The following FBXO38 variants were observed in gnomAD, a reference collection of about 807,000 sequenced individuals.
FBXO38 encodes the protein F-box protein 38, also known as F-box only protein 38.
FBXO38 carries 53 observed loss-of-function variants against 131.9 expected under a neutral mutation model. The observed-to-expected ratio is 0.40, with a 90% CI of 0.32 to 0.51. FBXO38 has a LOEUF of 0.51. FBXO38 is among the 20% of genes least tolerant of loss of function. The pLI is 0.53. For synonymous variants in FBXO38, 452 were observed against 505.6 expected, an observed-to-expected ratio of 0.89 and a Z score of 1.42; for missense variants, 1,076 against 1,475.6, an observed-to-expected ratio of 0.73 and a Z score of 4.44.
Position 148,425,718 on chromosome 5 carries a change from C to G in FBXO38, c.1918+17C>G. ...AATTGTCAGGTGAGAAATTGTCTTT[C>G]TCTGAACTATTAATGAGAGTCACTA... On this transcript the variant is annotated intron_variant, in intron 14 of 21. Transcript: ENST00000340253. The G allele has an allele frequency of 1.2e-6, 2 of 1,607,830 alleles. No homozygotes were observed. The highest frequency in any genetic ancestry group is 1.7e-6 in the Non-Finnish European group (2 of 1,175,992).
chr5:148,441,974 A>G lies in FBXO38; in HGVS notation c.3394A>G (p.Ile1132Val), dbSNP rs943024331. ...YDFEDDEESTIYAPRRKGQLS... is the reference protein window; with the variant it reads ...YDFEDDEESTVYAPRRKGQLS... ...TTTTATTTCTAATTTCAAAGGCACTATCTATGCTCCTAGAAGGAAAGGACA... is the reference window on the plus strand; with the variant it reads ...TTTTATTTCTAATTTCAAAGGCACTGTCTATGCTCCTAGAAGGAAAGGACA... Residue 1132 changes from isoleucine (I) to valine (V), a missense_variant, in exon 22 of 22, where the codon ATC (isoleucine) becomes GTC (valine). By Grantham distance (29) the Ile-to-Val change is conservative (BLOSUM62 3). Coordinates refer to ENST00000340253, the MANE Select transcript of FBXO38 (RefSeq NM_205836.3). 2.5e-6 allele frequency: 4 copies of G among 1,612,028 alleles called. No individual in the cohort carries two copies. The highest frequency in any genetic ancestry group is 1.7e-5 in the Admixed American group (1 of 59,612).
At chr5:148,396,184 AT>A (rs534554948) in intron 2 of FBXO38, among the ~76,000 whole-genome samples, 5 of 150,120 alleles carry the variant, frequency 3.3e-5, no homozygotes, top group South Asian at 2.1e-4. Flanking sequence ...AAAATGATAG[AT>A]TTTTTTTTTA....
intron 15 of FBXO38, among the ~76,000 whole-genome samples, chr5:148,431,665 A>C (rs1465333405): frequency 1.3e-5 from 2 of 152,192 alleles, no homozygotes; most frequent in African/African-American, 4.8e-5. Context: ...TTTTAAAAGG[A>C]TTGTGAATTT....
At chr5:148,405,089 A>G (rs1166232520) in intron 6 of FBXO38, among the ~76,000 whole-genome samples, 2 of 149,336 alleles carry the variant, frequency 1.3e-5, no homozygotes, top group Non-Finnish European at 3.0e-5. Flanking sequence ...GGATTGTTTT[A>G]TTAAATTTCA....
chr5:148,421,868 T>G, intron 12 of FBXO38, among the ~76,000 whole-genome samples: 1 of 152,150 alleles, frequency 6.6e-6, no homozygotes, highest in East Asian at 1.9e-4. Context: ...AAAGGCACCA[T>G]CATCCGATTT....
At chr5:148,424,548 C>G (rs1346742920) in intron 13 of FBXO38, among the ~76,000 whole-genome samples, 1 of 152,140 alleles carries the variant, frequency 6.6e-6, no homozygotes, top group Non-Finnish European at 1.5e-5. Flanking sequence ...TGACTTAAGA[C>G]AGGATATAGA....
intron 12 of FBXO38, among the ~76,000 whole-genome samples, chr5:148,418,052 G>A (rs1753163810): frequency 6.6e-6 from 1 of 152,130 alleles, no homozygotes; most frequent in African/African-American, 2.4e-5. Context: ...ATCATCTGTA[G>A]GCAATGTCTT....
chr5:148,398,904 G>T (rs946846365), intron 2 of FBXO38, 95 bp from the exon 3 acceptor site: 8 of 1,325,164 alleles, frequency 6.0e-6, no homozygotes, highest in Non-Finnish European at 8.5e-6. Flanking sequence ...TTTCATTTGA[G>T]TGGTAGGAGA....
intron 17 of FBXO38, chr5:148,434,275 A>G (rs927222988): frequency 2.0e-5 from 3 of 152,200 alleles, no homozygotes; most frequent in Non-Finnish European, 4.4e-5. Flanking sequence ...TTAAATATAT[A>G]TCTTTCCAGT....
At chr5:148,405,894 T>C (rs1368860982) in intron 6 of FBXO38, among the ~76,000 whole-genome samples, 1 of 152,230 alleles carries the variant, frequency 6.6e-6, no homozygotes, top group African/African-American at 2.4e-5. Context: ...TGATCTTCTA[T>C]AGTAGCTAAT....
Position 148,414,199 on chromosome 5 carries a change from T to C in FBXO38, c.1157T>C (p.Ile386Thr), listed in dbSNP as rs769370247. The change falls in exon 10 of 22, where the codon ATC (isoleucine) becomes ACC (threonine). Residue 386 changes from isoleucine (I) to threonine (T), a missense_variant. Ile to Thr is a moderately conservative substitution (Grantham distance 89). Around this residue, in one of 8 missense-constraint regions of FBXO38, gnomAD observed 146 missense variants for 274.3 expected, o/e 0.53. Coordinates refer to ENST00000340253, the MANE Select transcript of FBXO38 (RefSeq NM_205836.3). ...GCTGATGTGGTAGAAAATCCTGGTATCATCACTGATATAGGGATGAAAGCA... is the reference window on the plus strand; with the variant it reads ...GCTGATGTGGTAGAAAATCCTGGTACCATCACTGATATAGGGATGAAAGCA... ...GLADVVENPG[I>T]ITDIGMKAVN... The C allele has an allele frequency of 2.5e-6, 4 of 1,612,928 alleles. No homozygotes were observed. The Admixed American group carries it at 6.7e-5, about 27-fold the overall frequency.
rs901618451 is a variant in FBXO38 at position 148,427,008 on chromosome 5, A to G, written c.1919-205A>G. ...TCAGATCATAGTGAGGTTTGAAGGC[A>G]TAGCTAAGGAGTATAAACCAGATAG... On this transcript the variant is annotated intron_variant, in intron 14 of 21. Coordinates refer to ENST00000340253, the MANE Select transcript of FBXO38 (RefSeq NM_205836.3). 4.6e-5 allele frequency among the ~76,000 whole-genome samples: 7 copies of G among 152,314 alleles called. No individual in the cohort carries two copies. The East Asian group carries it at 1.4e-3, about 29-fold the overall frequency.
chr5:148,399,251 A>G, intron 3 of FBXO38, 119 bp downstream of exon 3: 1 of 1,128,984 alleles, frequency 8.9e-7, no homozygotes, highest in South Asian at 1.6e-5. Flanking sequence ...GTAGGCTGGC[A>G]AGATTTTGTC....
chr5:148,441,832 C>T, intron 21 of FBXO38, 137 bp from the exon 22 acceptor site: 1 of 592,590 alleles, frequency 1.7e-6, no homozygotes, highest in South Asian at 3.1e-5. Context: ...CTGGTGGTGA[C>T]CCATTCCTTG....
At chr5:148,423,356 C>T (rs1210274530) in intron 12 of FBXO38, among the ~76,000 whole-genome samples, 2 of 152,080 alleles carry the variant, frequency 1.3e-5, no homozygotes, top group Non-Finnish European at 2.9e-5. Context: ...GTAATAATGC[C>T]CTCACACAAG....
chr5:148,433,870 G>T, intron 17 of FBXO38, 133 bp downstream of exon 17: 1 of 517,550 alleles, frequency 1.9e-6, no homozygotes, highest in Non-Finnish European at 3.5e-6. Flanking sequence ...CTTTAGTTCC[G>T]CCTTTGTTCT....
chr5:148,384,622 T>A (rs954914026), intron 1 of FBXO38: 12 of 151,666 alleles, frequency 7.9e-5, no homozygotes, highest in African/African-American at 2.7e-4. Flanking sequence ...GCCTTTGATG[T>A]CCGTGCCCTA....
At position 148,427,503 on chromosome 5, in the gene FBXO38, T is replaced by C; in HGVS notation, c.2209T>C (p.Ser737Pro). 1 of 1,614,142 alleles carries C rather than the reference T, an allele frequency of 6.2e-7. No homozygotes were observed. The highest frequency in any genetic ancestry group is 8.5e-7 in the Non-Finnish European group (1 of 1,180,016). The stretch of plus-strand genomic sequence containing the variant: ...AAGGACGGTGAACAGCGGCGGCTCT[T>C]CCGAGCCTAGCCCTACAGAAGTGGA... ...FVRTVNSGGS[S>P]EPSPTEVDVS... The change falls in exon 15 of 22, where the codon TCC becomes CCC. Residue 737 changes from serine (S) to proline (P), a missense_variant. Transcript: ENST00000340253.
chr5:148,416,804 G>A (rs1162078435), intron 11 of FBXO38, 190 bp from the exon 12 acceptor site: 6 of 568,432 alleles, frequency 1.1e-5, no homozygotes, highest in Non-Finnish European at 1.9e-5. Flanking sequence ...AATCAAGCCA[G>A]TAACCCTTTA....
Sources: allele counts gnomAD v4.1 joint callset (sites outside exome capture counted in the v4.1 genomes callset), GRCh38; gene constraint gnomAD v4.1.1; regional missense constraint gnomAD v4.1.1; transcripts MANE v1.5; gene names NCBI Gene and HGNC (gene_info 2026-07-23, HGNC 2026-07-21).